Variants in ABTB2 observed in about 807,000 individuals in gnomAD.
ABTB2 encodes the protein ankyrin repeat and BTB domain containing 2, also known as ankyrin repeat and BTB/POZ domain-containing protein 2.
In ABTB2, 56 loss-of-function variants were observed where a neutral mutation model predicts 104.1. The observed-to-expected ratio is 0.54, with a 90% CI of 0.43 to 0.67. The LOEUF is 0.67. Among genes scored for constraint, ABTB2 ranks in the 30% least tolerant of loss-of-function variants. ABTB2 has a pLI of 0.00. For missense variants in ABTB2, 1,279 were observed against 1,407.7 expected (o/e 0.91, Z 1.46); for synonymous variants, 606 against 608.2 (o/e 1.00, Z 0.05).
chr11:34,270,107 T>A (rs1021351924), intron 1 of ABTB2, among the ~76,000 whole-genome samples: 20 of 152,166 alleles, frequency 1.3e-4, no homozygotes, highest in African/African-American at 4.8e-4. Flanking sequence ...TGCACAACGA[T>A]CCAAGTCAGC....
chr11:34,267,446 C>T (rs552172885), intron 1 of ABTB2, among the ~76,000 whole-genome samples: 99 of 152,288 alleles, frequency 6.5e-4, no homozygotes, highest in African/African-American at 2.1e-3. Flanking sequence ...TTTCCATCCC[C>T]GTAGTTGAGA....
chr11:34,162,326 G>A (rs762857774), intron 10 of ABTB2, among the ~76,000 whole-genome samples: 151 of 152,306 alleles, frequency 9.9e-4, no homozygotes, highest in South Asian at 2.3e-3. Flanking sequence ...TGGAGGGCCC[G>A]AGGGCAGGGG....
At chr11:34,312,489 C>G (rs555335483) in intron 1 of ABTB2, among the ~76,000 whole-genome samples, 59 of 152,286 alleles carry the variant, frequency 3.9e-4, no homozygotes, top group African/African-American at 1.3e-3. Context: ...CAGGGCTTGA[C>G]AGGGATACGC....
At chr11:34,250,297 G>A (rs1392841663) in intron 1 of ABTB2, among the ~76,000 whole-genome samples, 1 of 152,130 alleles carries the variant, frequency 6.6e-6, no homozygotes, top group Non-Finnish European at 1.5e-5. Flanking sequence ...TCTTCTTAAG[G>A]GGCCATAAGA....
chr11:34,259,718 G>C (rs1277552366), intron 1 of ABTB2, among the ~76,000 whole-genome samples: 2 of 152,128 alleles, frequency 1.3e-5, no homozygotes, highest in Admixed American at 6.5e-5. Context: ...AAAACTGGCT[G>C]GATCACATTC....
intron 1 of ABTB2, among the ~76,000 whole-genome samples, chr11:34,219,276 G>A (rs1428792597): frequency 6.6e-6 from 1 of 152,184 alleles, no homozygotes; most frequent in African/African-American, 2.4e-5. Flanking sequence ...TCACCAGCCA[G>A]GCATGGTGGC....
At chr11:34,286,558 G>A (rs1489981111) in intron 1 of ABTB2, among the ~76,000 whole-genome samples, 1 of 152,032 alleles carries the variant, frequency 6.6e-6, no homozygotes, top group Non-Finnish European at 1.5e-5. Context: ...CTCCCAAAGT[G>A]CTGGGATTAC....
intron 1 of ABTB2, among the ~76,000 whole-genome samples, chr11:34,253,710 C>A (rs1027231842): frequency 6.6e-6 from 1 of 151,768 alleles, no homozygotes; most frequent in East Asian, 1.9e-4. Context: ...TCAGGGGAAC[C>A]TACCAGGGAG....
intron 1 of ABTB2, among the ~76,000 whole-genome samples, chr11:34,257,316 G>C (rs537159846): frequency 3.9e-5 from 6 of 152,314 alleles, no homozygotes; most frequent in South Asian, 2.1e-4. Flanking sequence ...AGCGACTGCA[G>C]CATTTAGAAT....
intron 3 of ABTB2, among the ~76,000 whole-genome samples, chr11:34,174,130 C>G (rs1436005679): frequency 6.6e-6 from 1 of 152,000 alleles, no homozygotes. Context: ...GTCAGGAGAT[C>G]GAGATCATCC....
In ABTB2 at chr11:34,357,295, A is replaced by G. The variant is rs1468814682; in HGVS notation, c.289T>C (p.Phe97Leu). The G allele has an allele frequency of 1.3e-6, 2 of 1,509,172 alleles. No individual in the cohort carries two copies. The highest frequency in any genetic ancestry group is 1.4e-5 in the African/African-American group (1 of 71,534). 93.5% of individuals were successfully genotyped at this position (1,509,172 alleles called of 1,614,324 possible). Residue 97 changes from phenylalanine (F) to leucine (L), a missense_variant, in exon 1 of 17, where the codon TTC (phenylalanine) becomes CTC (leucine). Physicochemically the swap from Phe to Leu is conservative, Grantham distance 22. Transcript: ENST00000435224. ...RCPRLPELEEFPWTEGDVARV... is the reference protein window; with the variant it reads ...RCPRLPELEELPWTEGDVARV... ...GCCACGTCTCCTTCGGTCCAGGGGA[A>G]CTCCTCCAGCTCGGGGAGCCGCGGA... is the stretch of plus-strand genomic sequence containing the variant.
Position 34,357,541 on chromosome 11 carries a change from A to G in ABTB2, c.43T>C (p.Leu15=). 1 of 1,536,298 alleles carries G rather than the reference A, an allele frequency of 6.5e-7. No individual in the cohort carries two copies. Among genetic ancestry groups the G allele is most frequent in the Non-Finnish European group, 8.7e-7 (1 of 1,145,708 alleles). ...YSSTLKTLED[L]TLDSGYGAGD... The stretch of plus-strand genomic sequence containing the variant: ...GCCCCATACCCGGAGTCCAAGGTCA[A>G]GTCCTCCAGCGTCTTCAGAGTCGAG... The change falls in exon 1 of 17, where the codon TTG becomes CTG. Residue 15 remains leucine (L), a synonymous_variant. Coordinates refer to ENST00000435224, the MANE Select transcript of ABTB2 (RefSeq NM_145804.3).
Position 34,151,267 on chromosome 11 carries a change from C to T in ABTB2, c.*1120G>A, listed in dbSNP as rs1035228462. On this transcript the variant is annotated 3_prime_UTR_variant, in exon 17 of 17. Transcript: ENST00000435224. The stretch of plus-strand genomic sequence containing the variant: ...GACAGCTGAAGAAGTTGCACCCAGA[C>T]AGACTGTGCCTGATGCTGCCCCAGT... 1 of 152,310 alleles carries T rather than the reference C, an allele frequency of 6.6e-6. No homozygotes were observed. The highest frequency in any genetic ancestry group is 1.5e-5 in the Non-Finnish European group (1 of 68,048). 9.4% of individuals were successfully genotyped at this position (152,310 alleles called of 1,614,324 possible).
chr11:34,241,576 A>G (rs894903201), intron 1 of ABTB2, among the ~76,000 whole-genome samples: 1 of 152,216 alleles, frequency 6.6e-6, no homozygotes, highest in African/African-American at 2.4e-5. Context: ...CCAGAGCTCC[A>G]ATGCTGATAA....
chr11:34,192,693 C>T (rs1413587521), intron 3 of ABTB2, among the ~76,000 whole-genome samples: 1 of 152,270 alleles, frequency 6.6e-6, no homozygotes, highest in Non-Finnish European at 1.5e-5. Flanking sequence ...CAGTGGCCCT[C>T]TGCCATTCCC....
intron 1 of ABTB2, among the ~76,000 whole-genome samples, chr11:34,229,242 G>A (rs529915555): frequency 6.6e-6 from 1 of 152,000 alleles, no homozygotes; most frequent in East Asian, 1.9e-4. Context: ...CAGCACTTTG[G>A]GAGGCCGAGG....
At chr11:34,335,751 A>G (rs1855186182) in intron 1 of ABTB2, 3 of 1,394,788 alleles carry the variant, frequency 2.2e-6, no homozygotes, top group African/African-American at 1.4e-5. Flanking sequence ...AAGCAGTCCC[A>G]TTGAGGTGAC....
In ABTB2 at chr11:34,204,702, G is replaced by T; in HGVS notation, c.884-12C>A. ...GAGGGAGAGGACACCTATGGGGAAA[G>T]AAGGCAGACAGGTCACACTTAGGAA... On this transcript the variant is annotated splice_polypyrimidine_tract_variant and intron_variant, in intron 1 of 16. Coordinates refer to ENST00000435224, the MANE Select transcript of ABTB2 (RefSeq NM_145804.3). The T allele has an allele frequency of 6.2e-7, 1 of 1,609,340 alleles. No homozygotes were observed. The highest frequency in any genetic ancestry group is 8.5e-7 in the Non-Finnish European group (1 of 1,177,476).
intron 1 of ABTB2, among the ~76,000 whole-genome samples, chr11:34,205,264 A>G (rs1185579683): frequency 6.6e-6 from 1 of 152,234 alleles, no homozygotes; most frequent in African/African-American, 2.4e-5. Flanking sequence ...ACCATTCAAA[A>G]GGGATGCTGC....
Sources: gnomAD v4.1 joint callset for allele counts (sites outside exome capture counted in the v4.1 genomes callset) on GRCh38, gnomAD v4.1.1 for gene constraint, MANE v1.5 for transcripts, NCBI Gene and HGNC (gene_info 2026-07-23, HGNC 2026-07-21) for gene names.